The following NCK1 variants were observed in gnomAD, a reference collection of about 807,000 sequenced individuals.
NCK1 encodes the protein NCK adaptor protein 1, also known as SH2/SH3 adapter protein NCK1.
A neutral mutation model predicts 36.6 loss-of-function variants in NCK1; 19 were observed. That is an observed-to-expected ratio of 0.52 (90% CI 0.36 to 0.76). The LOEUF (loss-of-function observed/expected upper bound fraction) is 0.76, where lower values mean the gene tolerates loss of function less well. NCK1 is among the 30% of genes least tolerant of loss of function. The pLI is 0.00. For synonymous variants in NCK1, 165 were observed against 156.0 expected (o/e 1.06, Z -0.43); for missense variants, 358 against 445.6 (o/e 0.80, Z 1.77).
intron 1 of NCK1, among the ~76,000 whole-genome samples, chr3:136,883,196 C>G (rs921661674): frequency 6.6e-6 from 1 of 152,214 alleles, no homozygotes; most frequent in Non-Finnish European, 1.5e-5. Context: ...GCTGGGATTA[C>G]AGGCATGAGC....
At chr3:136,891,897 ATTC>A (rs1939255748) in intron 1 of NCK1, among the ~76,000 whole-genome samples, 1 of 151,942 alleles carries the variant, frequency 6.6e-6, no homozygotes, top group African/African-American at 2.4e-5. Context: ...TTTTTATTTT[ATTC>A]TTTTTAGAGA....
chr3:136,880,716 T>C (rs1322089652), intron 1 of NCK1, among the ~76,000 whole-genome samples: 4 of 152,142 alleles, frequency 2.6e-5, no homozygotes, highest in Non-Finnish European at 5.9e-5. Flanking sequence ...GGGATCCTCA[T>C]GTTTCAACCT....
At chr3:136,906,813 G>A (rs538533593) in intron 1 of NCK1, among the ~76,000 whole-genome samples, 2 of 152,210 alleles carry the variant, frequency 1.3e-5, no homozygotes, top group Admixed American at 1.3e-4. Context: ...GGTTGAATAG[G>A]TCCAATCTCA....
At chr3:136,918,649 A>G (rs1427232402) in intron 1 of NCK1, among the ~76,000 whole-genome samples, 1 of 152,190 alleles carries the variant, frequency 6.6e-6, no homozygotes, top group African/African-American at 2.4e-5. Flanking sequence ...CAAATTCACA[A>G]ACGTTCTTAA....
rs922638448 is a variant in NCK1, at chr3:136,951,520, A to C, written c.*3067A>C. 1.3e-5 allele frequency among the ~76,000 whole-genome samples: 2 copies of C among 152,206 alleles called. No individual in the cohort carries two copies. The highest frequency in any genetic ancestry group is 2.9e-5 in the Non-Finnish European group (2 of 68,022). ...ACAAGTCAACAATGAGCTGGAATCTAATATGGATGGTCCTCTTATCTTTAC... is the reference window on the plus strand; with the variant it reads ...ACAAGTCAACAATGAGCTGGAATCTCATATGGATGGTCCTCTTATCTTTAC... On this transcript the variant is annotated 3_prime_UTR_variant, in exon 4 of 4. Transcript: ENST00000481752.
In NCK1 at chr3:136,862,856, T is replaced by A. The variant is rs144362159; in HGVS notation, c.-19+503T>A. 1.6e-3 allele frequency among the ~76,000 whole-genome samples: 220 copies of A among 138,056 alleles called. 4 individuals are homozygous for A. In the East Asian group the frequency reaches 0.052, roughly 33 times the overall value. The allele number at this position is 138,056 out of a possible 152,430, so 90.6% of individuals were successfully genotyped here. On this transcript the variant is annotated intron_variant, in intron 1 of 3. Transcript: ENST00000481752. ...GTGGACATCTTCGGGACGCGCCCTC[T>A]CCCCTCCCCCCACCCACCGGCCGTT...
chr3:136,917,818 A>T (rs1469310744), intron 1 of NCK1, among the ~76,000 whole-genome samples: 2 of 152,318 alleles, frequency 1.3e-5, no homozygotes, highest in East Asian at 3.9e-4. Flanking sequence ...AATTCCCAGA[A>T]CCTTCGCAAT....
chr3:136,909,569 G>C (rs1939781622), intron 1 of NCK1, among the ~76,000 whole-genome samples: 1 of 152,136 alleles, frequency 6.6e-6, no homozygotes, highest in Non-Finnish European at 1.5e-5. Context: ...AGAAGAATAT[G>C]ATTTGTGTTG....
At chr3:136,913,649 TTTTGTTTTGTTTTTTG>T (rs1016781991) in intron 1 of NCK1, among the ~76,000 whole-genome samples, 12 of 152,202 alleles carry the variant, frequency 7.9e-5, no homozygotes, top group African/African-American at 1.9e-4. Flanking sequence ...AGTGATTTTC[TTTTGTTTTGTTTTTTG>T]TTTGTTTTGT....
chr3:136,915,918 G>A (rs1013264138), intron 1 of NCK1, among the ~76,000 whole-genome samples: 5 of 152,024 alleles, frequency 3.3e-5, no homozygotes, highest in Admixed American at 6.5e-5. Flanking sequence ...TAGAGACAGG[G>A]TTTCACCACG....
intron 1 of NCK1, among the ~76,000 whole-genome samples, chr3:136,893,191 T>C (rs148203247): frequency 0.024 from 862 of 36,022 alleles, 48 homozygotes; most frequent in Non-Finnish European, 0.032. Flanking sequence ...TATATATATA[T>C]ACACACATGT....
In NCK1 at chr3:136,925,976, A is replaced by C. The variant is rs868066099; in HGVS notation, c.-18-2008A>C. Among the ~76,000 whole-genome samples, 6 of 152,122 alleles carry C rather than the reference A, an allele frequency of 3.9e-5. No homozygotes were observed. In the South Asian group the frequency reaches 1.2e-3, roughly 31 times the overall value. On this transcript the variant is annotated intron_variant, in intron 1 of 3. Coordinates refer to ENST00000481752, the MANE Select transcript of NCK1 (RefSeq NM_001291999.2). ...GCAGTATACGTGTGATCCAATTTCA[A>C]CTTACCCTTGTCAGCATTTGGTATT...
chr3:136,863,889 C>G (rs544296723), intron 1 of NCK1, among the ~76,000 whole-genome samples: 83 of 151,918 alleles, frequency 5.5e-4, no homozygotes, highest in African/African-American at 1.8e-3. Flanking sequence ...ATCACGAGGT[C>G]AGGAGATTGA....
Position 136,910,463 on chromosome 3 carries a change from T to G in NCK1, c.-18-17521T>G, listed in dbSNP as rs199841142. Among the ~76,000 whole-genome samples, 24 of 152,328 alleles carry G rather than the reference T, an allele frequency of 1.6e-4. 1 individual carries two copies. The highest frequency in any genetic ancestry group is 4.6e-4 in the Admixed American group (7 of 15,292). ...ATGTTTTTGTTGTGTAGTAAAGTTA[T>G]GTTTAAAAAATTACAAACTGAATAA... On this transcript the variant is annotated intron_variant, in intron 1 of 3. Transcript: ENST00000481752.
intron 1 of NCK1, among the ~76,000 whole-genome samples, chr3:136,871,730 G>A (rs1164376698): frequency 5.9e-5 from 9 of 152,154 alleles, no homozygotes; most frequent in African/African-American, 1.7e-4. Flanking sequence ...CAATTCCCAC[G>A]TGTGGTTGGC....
chr3:136,876,977 A>G (rs975650421), intron 1 of NCK1, among the ~76,000 whole-genome samples: 2 of 152,202 alleles, frequency 1.3e-5, no homozygotes, highest in African/African-American at 2.4e-5. Flanking sequence ...AGTGTTTTTT[A>G]ACTCTGTGTT....
At chr3:136,914,138 G>A (rs1399544961) in intron 1 of NCK1, among the ~76,000 whole-genome samples, 2 of 152,206 alleles carry the variant, frequency 1.3e-5, no homozygotes, top group African/African-American at 2.4e-5. Flanking sequence ...CTATTGGGAG[G>A]GAGGTGAAAC....
intron 1 of NCK1, among the ~76,000 whole-genome samples, 155 bp downstream of exon 1, chr3:136,862,508 C>T (rs1422757417): frequency 6.6e-6 from 1 of 151,116 alleles, no homozygotes; most frequent in Non-Finnish European, 1.5e-5. Context: ...CCGGAGGGGG[C>T]GCGGAGGCTG....
chr3:136,863,169 G>A (rs975719700), intron 1 of NCK1, among the ~76,000 whole-genome samples: 1 of 152,032 alleles, frequency 6.6e-6, no homozygotes, highest in African/African-American at 2.4e-5. Context: ...CGTTAGATTA[G>A]GTAAGAAGCC....
Sources: allele counts gnomAD v4.1 joint callset (sites outside exome capture counted in the v4.1 genomes callset), GRCh38; gene constraint gnomAD v4.1.1; transcripts MANE v1.5; gene names NCBI Gene and HGNC (gene_info 2026-07-23, HGNC 2026-07-21).